Variants in MAN1C1 observed in about 807,000 individuals in gnomAD.
MAN1C1 encodes the protein mannosidase alpha class 1C member 1, also known as mannosyl-oligosaccharide 1,2-alpha-mannosidase IC.
In MAN1C1, 49 loss-of-function variants were observed where a neutral mutation model predicts 71.5. That is an observed-to-expected ratio of 0.69 (90% CI 0.54 to 0.87). The LOEUF (loss-of-function observed/expected upper bound fraction) is 0.87, where lower values mean the gene tolerates loss of function less well. MAN1C1 is among the 40% of genes least tolerant of loss of function. MAN1C1 has a pLI of 0.00. For synonymous variants in MAN1C1, 352 were observed against 343.7 expected (o/e 1.02, Z -0.27); for missense variants, 743 against 835.0 (o/e 0.89, Z 1.36).
intron 5 of MAN1C1, 74 bp from the exon 6 acceptor site, chr1:25,758,517 CA>C (rs1483045253): frequency 7.6e-7 from 1 of 1,310,284 alleles, no homozygotes; most frequent in Non-Finnish European, 1.1e-6. Context: ...CCCCACCGAG[CA>C]GCTGCTGTTA....
intron 2 of MAN1C1, among the ~76,000 whole-genome samples, chr1:25,701,102 G>A (rs983602925): frequency 1.3e-5 from 2 of 152,356 alleles, no homozygotes; most frequent in Middle Eastern, 3.4e-3. Flanking sequence ...AGTTGTCAAG[G>A]ATCATTTTAA....
rs552993883 is a variant in MAN1C1, at chr1:25,664,201, TG to T, written c.541-22238del. ...CCTGAGCGTTAGTGGCACCCCATGC[TG>T]CTCATTACCACCCCAAAAAGTAGTC... On this transcript the variant is annotated intron_variant, in intron 1 of 11. Coordinates refer to ENST00000374332, the MANE Select transcript of MAN1C1 (RefSeq NM_020379.4). Among the ~76,000 whole-genome samples the T allele has an allele frequency of 2.5e-3, 373 of 152,072 alleles. 3 individuals are homozygous for T. The highest frequency in any genetic ancestry group is 8.6e-3 in the African/African-American group (358 of 41,460).
chr1:25,706,154 T>C (rs895623717), intron 2 of MAN1C1, among the ~76,000 whole-genome samples: 3 of 152,202 alleles, frequency 2.0e-5, no homozygotes, highest in African/African-American at 7.2e-5. Context: ...TTAGCCTTGC[T>C]GCATGGTATA....
chr1:25,683,897 T>C (rs990841543), intron 1 of MAN1C1, among the ~76,000 whole-genome samples: 3 of 152,214 alleles, frequency 2.0e-5, no homozygotes, highest in Non-Finnish European at 2.9e-5. Context: ...GCAGCTCTGA[T>C]TGCCTTGTGA....
At chr1:25,691,972 A>C (rs2046315478) in intron 2 of MAN1C1, among the ~76,000 whole-genome samples, 1 of 152,214 alleles carries the variant, frequency 6.6e-6, no homozygotes, top group Admixed American at 6.5e-5. Flanking sequence ...CCTTGGCAGC[A>C]GGGGAAATTG....
In MAN1C1 at chr1:25,745,451, A is replaced by T. The variant is rs548532829; in HGVS notation, c.638-1217A>T. ...AGAGGTAGTCAGTGGGTCATACCAGACTTAGTTCTGTACACTTACACTTTG... is the reference window on the plus strand; with the variant it reads ...AGAGGTAGTCAGTGGGTCATACCAGTCTTAGTTCTGTACACTTACACTTTG... On this transcript the variant is annotated intron_variant, in intron 2 of 11. Transcript: ENST00000374332. 1.2e-4 allele frequency among the ~76,000 whole-genome samples: 19 copies of T among 152,042 alleles called. No individual in the cohort carries two copies. In the Middle Eastern group the frequency reaches 0.01, roughly 82 times the overall value.
At position 25,776,322 on chromosome 1, in the gene MAN1C1, G is replaced by A. The variant is rs2047618891; in HGVS notation, c.1258-1783G>A. ...TCCCAACATTTTGGGAGGCCGAGGT[G>A]GGTGGATCCCCTGAGGTCAGGAGTT... On this transcript the variant is annotated intron_variant, in intron 8 of 11. Transcript: ENST00000374332. This position sits in a 1 kb window ranked among gnomAD's most constrained non-coding sequence, Gnocchi z 4.3. Among the ~76,000 whole-genome samples the A allele has an allele frequency of 6.6e-6, 1 of 152,138 alleles. No homozygotes were observed. The highest frequency in any genetic ancestry group is 1.5e-5 in the Non-Finnish European group (1 of 68,014).
intron 2 of MAN1C1, among the ~76,000 whole-genome samples, chr1:25,734,469 C>G (rs1274672561): frequency 6.6e-6 from 1 of 152,234 alleles, no homozygotes; most frequent in Non-Finnish European, 1.5e-5. Context: ...AAACAAACAG[C>G]ACAGTGCCAG....
intron 6 of MAN1C1, among the ~76,000 whole-genome samples, chr1:25,762,569 G>A (rs1337366559): frequency 1.3e-5 from 2 of 151,906 alleles, no homozygotes; most frequent in Non-Finnish European, 2.9e-5. Flanking sequence ...TAAGATTACA[G>A]GCCTGTGCCA....
At chr1:25,733,901 G>A (rs1297756620) in intron 2 of MAN1C1, among the ~76,000 whole-genome samples, 1 of 151,628 alleles carries the variant, frequency 6.6e-6, no homozygotes, top group African/African-American at 2.4e-5. Context: ...CCGTGCTCAC[G>A]CCATTCTCCT....
At chr1:25,627,130 A>C (rs1017476049) in intron 1 of MAN1C1, among the ~76,000 whole-genome samples, 9 of 152,196 alleles carry the variant, frequency 5.9e-5, no homozygotes, top group African/African-American at 2.2e-4. Flanking sequence ...TGTTGAAAAA[A>C]ACTTTCCTTT....
chr1:25,783,224 A>G (rs2047721014), intron 11 of MAN1C1, among the ~76,000 whole-genome samples: 1 of 152,126 alleles, frequency 6.6e-6, no homozygotes, highest in South Asian at 2.1e-4. Flanking sequence ...AAAAACCCAC[A>G]ACCTGGAAGC....
chr1:25,773,102 A>G (rs1009517766), intron 8 of MAN1C1, among the ~76,000 whole-genome samples: 15 of 152,272 alleles, frequency 9.9e-5, no homozygotes, highest in Admixed American at 2.0e-4. Flanking sequence ...CCCAAATAGA[A>G]TATCAGTTAT....
At chr1:25,675,252 C>CT (rs1267343661) in intron 1 of MAN1C1, among the ~76,000 whole-genome samples, 1 of 152,156 alleles carries the variant, frequency 6.6e-6, no homozygotes, top group East Asian at 1.9e-4. Flanking sequence ...TCCCCCAACT[C>CT]TGAGTCCCCA....
intron 2 of MAN1C1, among the ~76,000 whole-genome samples, chr1:25,723,592 C>T (rs1052129750): frequency 1.3e-5 from 2 of 152,072 alleles, no homozygotes; most frequent in Non-Finnish European, 2.9e-5. Flanking sequence ...AAAATTATAC[C>T]GTTGTCTTAG....
Position 25,647,889 on chromosome 1 carries a change from G to A in MAN1C1, c.540+29552G>A, listed in dbSNP as rs148023858. On this transcript the variant is annotated intron_variant, in intron 1 of 11. Transcript: ENST00000374332. The stretch of plus-strand genomic sequence containing the variant: ...TGGCTTAGGACCTAGGGTAGGATAG[G>A]GGTCTGAGAGGACCAGAAAGGCTGA... Among the ~76,000 whole-genome samples, 391 of 152,276 alleles carry A rather than the reference G, an allele frequency of 2.6e-3. 1 individual carries two copies. Among genetic ancestry groups the A allele is most frequent in the Middle Eastern group, 3.4e-3 (1 of 294 alleles).
intron 1 of MAN1C1, among the ~76,000 whole-genome samples, chr1:25,670,551 G>C (rs2045980401): frequency 6.6e-6 from 1 of 152,216 alleles, no homozygotes; most frequent in South Asian, 2.1e-4. Flanking sequence ...ACATAAGGAT[G>C]GGCCACTTGA....
intron 2 of MAN1C1, among the ~76,000 whole-genome samples, chr1:25,705,653 A>C (rs2046511184): frequency 6.6e-6 from 1 of 152,246 alleles, no homozygotes; most frequent in Non-Finnish European, 1.5e-5. Context: ...AAGGGCTTTA[A>C]GTATATTATC....
chr1:25,668,292 C>T (rs183763526), intron 1 of MAN1C1, among the ~76,000 whole-genome samples: 54 of 152,170 alleles, frequency 3.5e-4, no homozygotes, highest in African/African-American at 1.2e-3. Flanking sequence ...CTTGACTTTC[C>T]TTCACGGTGC....
Sources: gnomAD v4.1 joint callset for allele counts (sites outside exome capture counted in the v4.1 genomes callset) on GRCh38, gnomAD v4.1.1 for gene constraint, Gnocchi (gnomAD v3.1) non-coding constraint, MANE v1.5 for transcripts, NCBI Gene and HGNC (gene_info 2026-07-23, HGNC 2026-07-21) for gene names.